The following ITGB1BP1 variants were observed in gnomAD, a reference collection of about 807,000 sequenced individuals.
The protein encoded by ITGB1BP1 is integrin beta-1-binding protein 1.
A neutral mutation model predicts 28.0 loss-of-function variants in ITGB1BP1; 20 were observed. The ratio of observed to expected loss-of-function variants is 0.71; its 90% CI spans 0.50 to 1.04. The LOEUF (loss-of-function observed/expected upper bound fraction) is 1.04. ITGB1BP1 is among the 50% of genes least tolerant of loss of function. ITGB1BP1 has a pLI of 0.00. For synonymous variants in ITGB1BP1, 103 were observed against 89.5 expected, an observed-to-expected ratio of 1.15 and a Z score of -0.85; for missense variants, 228 against 242.5, an observed-to-expected ratio of 0.94 and a Z score of 0.40.
At chr2:9,407,826 T>C (rs1415526228) in intron 5 of ITGB1BP1, among the ~76,000 whole-genome samples, 3 of 151,180 alleles carry the variant, frequency 2.0e-5, no homozygotes, top group Admixed American at 6.6e-5. Context: ...CCGTCCAAGC[T>C]GACAGCTGCT....
Position 9,412,307 on chromosome 2 carries a change from C to A in ITGB1BP1, c.250G>T (p.Gly84Trp). ...ATATAATTTATCAGGTCTAATGGCCCTTCAAGGCCTTTTCCCTCGGAGAGT... is the reference window on the plus strand; with the variant it reads ...ATATAATTTATCAGGTCTAATGGCCATTCAAGGCCTTTTCCCTCGGAGAGT... ...LKLSEGKGLE[G>W]PLDLINYIDV... The change falls in exon 4 of 7, where the codon GGG (glycine) becomes TGG (tryptophan). Residue 84 changes from glycine to tryptophan, a missense_variant. By Grantham distance (184) the Gly-to-Trp change is radical. Transcript: ENST00000355346. The A allele has an allele frequency of 3.7e-6, 6 of 1,612,368 alleles. No homozygotes were observed. The highest frequency in any genetic ancestry group is 5.1e-6 in the Non-Finnish European group (6 of 1,179,030).
chr2:9,411,708 C>G (rs555677044), intron 4 of ITGB1BP1, among the ~76,000 whole-genome samples: 6 of 133,992 alleles, frequency 4.5e-5, no homozygotes, highest in South Asian at 2.4e-4. Flanking sequence ...GGGCGACAGA[C>G]CGAGACTCCA....
At chr2:9,407,977 T>C (rs1218571883) in intron 5 of ITGB1BP1, 136 bp downstream of exon 5, 8 of 636,900 alleles carry the variant, frequency 1.3e-5, no homozygotes, top group Non-Finnish European at 2.2e-5. Context: ...TTGGTCACGT[T>C]TAAGACCAAC....
chr2:9,408,930 C>T (rs1248919160), intron 4 of ITGB1BP1, among the ~76,000 whole-genome samples: 1 of 152,236 alleles, frequency 6.6e-6, no homozygotes, highest in Non-Finnish European at 1.5e-5. Context: ...TGAAGATCTT[C>T]ATTTCCACAG....
chr2:9,407,348 T>A (rs1677615370), intron 6 of ITGB1BP1, 101 bp downstream of exon 6: 1 of 1,321,842 alleles, frequency 7.6e-7, no homozygotes. Context: ...GCCAAGATAT[T>A]CCATATATAA....
intron 1 of ITGB1BP1, chr2:9,422,965 CCTGT>C (rs1252414380): frequency 1.0e-6 from 1 of 986,358 alleles, no homozygotes; most frequent in African/African-American, 1.7e-5. Flanking sequence ...CTGCTTGGCA[CCTGT>C]CTGTCACCGT....
intron 1 of ITGB1BP1, chr2:9,420,052 G>A (rs1472611696): frequency 2.0e-6 from 2 of 984,578 alleles, no homozygotes; most frequent in Non-Finnish European, 2.4e-6. Flanking sequence ...TGCACAGAGA[G>A]TTTCCTTTCA....
At position 9,419,980 on chromosome 2, in the gene ITGB1BP1, A is replaced by C. The variant is rs1030150073; in HGVS notation, c.-35-1248T>G. ...TGTATTCTCCAGAGAGAACAAGAAA[A>C]TCTGCTTACTATAGAATTGAACACT... is the stretch of plus-strand genomic sequence containing the variant. On this transcript the variant is annotated intron_variant, in intron 1 of 6. Coordinates refer to ENST00000355346, the MANE Select transcript of ITGB1BP1 (RefSeq NM_004763.5). 11 of 794,096 alleles carry C rather than the reference A, an allele frequency of 1.4e-5. No homozygotes were observed. The African/African-American group carries it at 1.9e-4, about 14-fold the overall frequency. 49.2% of individuals were successfully genotyped at this position (794,096 alleles called of 1,614,324 possible).
intron 4 of ITGB1BP1, among the ~76,000 whole-genome samples, chr2:9,410,933 ACT>A (rs1027257916): frequency 6.6e-6 from 1 of 151,892 alleles, no homozygotes; most frequent in Non-Finnish European, 1.5e-5. Context: ...CATTCTTAAC[ACT>A]CTCTGAAGTT....
intron 4 of ITGB1BP1, chr2:9,412,063 A>AT: frequency 2.2e-6 from 1 of 454,400 alleles, no homozygotes; most frequent in Non-Finnish European, 3.8e-6. Context: ...AAAAAAAAAA[A>AT]GTACCGTGTT....
In ITGB1BP1 at chr2:9,404,743, T is replaced by C. The variant is rs2148848626; in HGVS notation, c.*2091A>G. The C allele has an allele frequency of 6.5e-6, 1 of 152,718 alleles. No individual in the cohort carries two copies. The highest frequency in any genetic ancestry group is 3.4e-3 in the Middle Eastern group (1 of 294). 9.5% of individuals were successfully genotyped at this position (152,718 alleles called of 1,614,324 possible). On this transcript the variant is annotated 3_prime_UTR_variant, in exon 7 of 7. Transcript: ENST00000355346. ...TTATGCAAGACTGTGTAGAGTTTTT[T>C]TTTTTTTTGGCATTGTACTTTTTGT...
chr2:9,407,187 C>T (rs1677564873), intron 6 of ITGB1BP1: 2 of 602,264 alleles, frequency 3.3e-6, no homozygotes, highest in Admixed American at 5.9e-5. Flanking sequence ...CCTTCGGCCC[C>T]TGGAGGATAC....
chr2:9,414,203 G>A lies in ITGB1BP1; in HGVS notation c.126C>T (p.Leu42=), dbSNP rs1310915575. ...GLSRSSTVAS[L]DTDSTKSSGQ... ...CTGAGCTTTTGGTGGAATCTGTGTC[G>A]AGGCTGGCCACAGTGCTGGATCGTG... Residue 42 remains leucine, a synonymous_variant, in exon 3 of 7, where the codon CTC becomes CTT. Transcript: ENST00000355346. 12 of 1,613,838 alleles carry A rather than the reference G, an allele frequency of 7.4e-6. No homozygotes were observed. The highest frequency in any genetic ancestry group is 6.6e-5 in the South Asian group (6 of 91,084).
chr2:9,406,744 A>T lies in ITGB1BP1; in HGVS notation c.*90T>A. 2 of 887,964 alleles carry T rather than the reference A, an allele frequency of 2.3e-6. No individual in the cohort carries two copies. Among genetic ancestry groups the T allele is most frequent in the East Asian group, 2.4e-5 (1 of 41,222 alleles). The allele number at this position is 887,964 out of a possible 1,614,324, so 55.0% of individuals were successfully genotyped here. On this transcript the variant is annotated 3_prime_UTR_variant, in exon 7 of 7. Coordinates refer to ENST00000355346, the MANE Select transcript of ITGB1BP1 (RefSeq NM_004763.5). ...TTCTTCAGAAAATCTAGAGCAAGGG[A>T]TAACTTCATTATTTGCATAACATTT...
chr2:9,407,332 C>T (rs1299466584), intron 6 of ITGB1BP1, 117 bp downstream of exon 6: 3 of 1,181,866 alleles, frequency 2.5e-6, no homozygotes, highest in Admixed American at 2.2e-5. Flanking sequence ...CATTCACTAT[C>T]CCCAGGCCAA....
chr2:9,409,207 C>T (rs572761926), intron 4 of ITGB1BP1, among the ~76,000 whole-genome samples: 179 of 152,350 alleles, frequency 1.2e-3, no homozygotes, highest in African/African-American at 3.6e-3. Flanking sequence ...TAACGTAAGA[C>T]GCTGTTGGCA....
chr2:9,406,991 C>T, intron 6 of ITGB1BP1, 86 bp from the exon 7 acceptor site: 1 of 934,162 alleles, frequency 1.1e-6, no homozygotes, highest in Non-Finnish European at 1.8e-6. Flanking sequence ...CACACCTGAC[C>T]CTCTTAAGAC....
In ITGB1BP1 at chr2:9,416,616, T is replaced by G. The variant is rs545551798; in HGVS notation, c.72+2010A>C. Reference sequence around the variant, plus strand: ...TCAGCCAATTCTTCAAAATAAACCTTGAAAATACATCAAAATCTCTAGGAT... The same window carrying G: ...TCAGCCAATTCTTCAAAATAAACCTGGAAAATACATCAAAATCTCTAGGAT... On this transcript the variant is annotated intron_variant, in intron 2 of 6. Coordinates refer to ENST00000355346, the MANE Select transcript of ITGB1BP1 (RefSeq NM_004763.5). Among the ~76,000 whole-genome samples the G allele has an allele frequency of 6.6e-5, 10 of 152,260 alleles. No individual in the cohort carries two copies. In the South Asian group the frequency reaches 2.1e-3, roughly 32 times the overall value.
chr2:9,407,994 G>A (rs1350385766), intron 5 of ITGB1BP1, 119 bp downstream of exon 5: 7 of 654,864 alleles, frequency 1.1e-5, no homozygotes, highest in Non-Finnish European at 1.9e-5. Context: ...CAACTGCCAG[G>A]AATGTTTACA....
Sources: gnomAD v4.1 joint callset for allele counts (sites outside exome capture counted in the v4.1 genomes callset) on GRCh38, gnomAD v4.1.1 for gene constraint, MANE v1.5 for transcripts, NCBI Gene and HGNC (gene_info 2026-07-23, HGNC 2026-07-21) for gene names.